The following LOC400499 variants were observed in gnomAD, a reference collection of about 807,000 sequenced individuals.
At chr16:11,454,181 T>G in the LOC400499 span, among the ~76,000 whole-genome samples, 1 of 152,232 alleles carries the variant, frequency 6.6e-6, no homozygotes, top group African/African-American at 2.4e-5. Flanking sequence ...AATGGAGCAA[T>G]GCCTTCAAAA....
chr16:11,400,231 C>G, the LOC400499 span, among the ~76,000 whole-genome samples: 1 of 152,044 alleles, frequency 6.6e-6, no homozygotes, highest in Admixed American at 6.5e-5. Flanking sequence ...TCTTATTTCC[C>G]TTCCAGCCCT....
the LOC400499 span, chr16:11,399,355 G>T: frequency 1.1e-6 from 1 of 900,014 alleles, no homozygotes; most frequent in Non-Finnish European, 1.5e-6. Context: ...GAAGTAAGTT[G>T]CCCAGGATCC....
the LOC400499 span, chr16:11,446,634 G>C: frequency 1.3e-6 from 2 of 1,536,056 alleles, no homozygotes; most frequent in Non-Finnish European, 1.7e-6. Context: ...GACCTGCACA[G>C]ACCTGGGAGG....
chr16:11,488,057 CAGTG>C, the LOC400499 span, among the ~76,000 whole-genome samples: 4 of 149,504 alleles, frequency 2.7e-5, no homozygotes, highest in African/African-American at 5.0e-5. Context: ...GCAGAGGTTG[CAGTG>C]AGACAAGATT....
At chr16:11,490,332 G>T in the LOC400499 span, among the ~76,000 whole-genome samples, 2 of 148,316 alleles carry the variant, frequency 1.3e-5, no homozygotes, top group African/African-American at 5.0e-5. Context: ...GAAGGCAGAG[G>T]TTGCAGTGAG....
the LOC400499 span, among the ~76,000 whole-genome samples, chr16:11,490,687 C>T: frequency 1.1e-4 from 17 of 152,204 alleles, no homozygotes; most frequent in African/African-American, 4.1e-4. Flanking sequence ...GGTGACAGAG[C>T]GAGACTCCGT....
chr16:11,417,115 C>G, the LOC400499 span, among the ~76,000 whole-genome samples: 1 of 110,826 alleles, frequency 9.0e-6, no homozygotes. Flanking sequence ...GAAGTCCCAC[C>G]CCCCCTCACC....
the LOC400499 span, chr16:11,424,028 T>C: frequency 2.5e-6 from 1 of 399,028 alleles, no homozygotes; most frequent in Non-Finnish European, 4.4e-6. Context: ...TCCCACACTC[T>C]GGGCAGAAGC....
the LOC400499 span, among the ~76,000 whole-genome samples, chr16:11,512,981 G>A: frequency 1.3e-5 from 2 of 152,168 alleles, no homozygotes; most frequent in African/African-American, 4.8e-5. Context: ...CAAGGTAAAC[G>A]CTATTACCAG....
At chr16:11,487,517 G>C in the LOC400499 span, 1 of 371,396 alleles carries the variant, frequency 2.7e-6, no homozygotes, top group Admixed American at 5.2e-5. Context: ...TGGCCAGGAT[G>C]GGAAACAGCC....
the LOC400499 span, among the ~76,000 whole-genome samples, chr16:11,480,721 A>T: frequency 6.6e-6 from 1 of 152,240 alleles, no homozygotes. Flanking sequence ...CACGTTCCCT[A>T]AGAAAGCAGG....
chr16:11,444,497 C>T, the LOC400499 span, among the ~76,000 whole-genome samples: 6 of 152,190 alleles, frequency 3.9e-5, no homozygotes, highest in African/African-American at 1.4e-4. Context: ...CACAGCCACG[C>T]CCGTTCATTA....
chr16:11,422,358 C>A, the LOC400499 span, among the ~76,000 whole-genome samples: 1 of 152,022 alleles, frequency 6.6e-6, no homozygotes, highest in African/African-American at 2.4e-5. Context: ...TGAGGTCATG[C>A]CACTACACTC....
chr16:11,491,782 A>G, the LOC400499 span: 1 of 398,906 alleles, frequency 2.5e-6, no homozygotes, highest in East Asian at 3.6e-5. Context: ...AGGGCCAGGT[A>G]GGCATTGATA....
the LOC400499 span, chr16:11,385,347 T>TGGGTGCTGAGGTCC: frequency 8.1e-7 from 1 of 1,232,284 alleles, no homozygotes; most frequent in Non-Finnish European, 1.0e-6. Context: ...GCTGCCGCAC[T>TGGGTGCTGAGGTCC]GGGTGCTGAG....
chr16:11,386,744 C>G, the LOC400499 span, among the ~76,000 whole-genome samples: 1 of 152,370 alleles, frequency 6.6e-6, no homozygotes, highest in African/African-American at 2.4e-5. Flanking sequence ...CCTGGCCACA[C>G]AGCAAGCCTG....
At chr16:11,456,897 C>T in the LOC400499 span, 3 of 1,536,190 alleles carry the variant, frequency 2.0e-6, no homozygotes, top group Non-Finnish European at 1.7e-6. Context: ...TGTGTCCTTC[C>T]ACTGCCCGCC....
chr16:11,520,566 C>G, the LOC400499 span, among the ~76,000 whole-genome samples: 8 of 149,874 alleles, frequency 5.3e-5, no homozygotes, highest in African/African-American at 1.7e-4. Context: ...ACTCAGGAGG[C>G]TGACGCAGGA....
the LOC400499 span, chr16:11,398,460 T>A: frequency 1.6e-6 from 2 of 1,232,244 alleles, no homozygotes; most frequent in Non-Finnish European, 2.0e-6. Flanking sequence ...GAGGACGTGC[T>A]CCAGCGTGGC....
Sources: allele counts gnomAD v4.1 joint callset (sites outside exome capture counted in the v4.1 genomes callset), GRCh38; gene constraint gnomAD v4.1.1; transcripts MANE v1.5.